Variants in FAM174A observed in about 807,000 individuals in gnomAD.
The protein encoded by FAM174A is membrane protein FAM174A.
FAM174A carries 14 observed loss-of-function variants against 14.3 expected under a neutral mutation model. The ratio of observed to expected loss-of-function variants is 0.98; its 90% CI spans 0.65 to 1.53. FAM174A has a LOEUF of 1.53. FAM174A is among the 40% of genes most tolerant of loss of function. The pLI is 0.00. For synonymous variants in FAM174A, 108 were observed against 111.4 expected (o/e 0.97, Z 0.19); for missense variants, 241 against 249.6 (o/e 0.97, Z 0.23).
At chr5:100,541,431 C>T (rs1746050222) in intron 1 of FAM174A, among the ~76,000 whole-genome samples, 1 of 151,914 alleles carries the variant, frequency 6.6e-6, no homozygotes, top group South Asian at 2.1e-4. Flanking sequence ...ACAAACTTGC[C>T]CTGTAACTGA....
At chr5:100,558,460 G>A (rs1335311706) in intron 1 of FAM174A, among the ~76,000 whole-genome samples, 1 of 152,172 alleles carries the variant, frequency 6.6e-6, no homozygotes, top group Non-Finnish European at 1.5e-5. Context: ...AGGTCCGCCT[G>A]GTGCAGAGCT....
chr5:100,580,679 C>T (rs552307330), intron 2 of FAM174A, among the ~76,000 whole-genome samples: 2 of 152,342 alleles, frequency 1.3e-5, no homozygotes, highest in South Asian at 2.1e-4. Context: ...AGCACCCTTA[C>T]AGACATACCC....
intron 2 of FAM174A, among the ~76,000 whole-genome samples, chr5:100,574,543 A>C (rs1304878529): frequency 1.3e-5 from 2 of 152,124 alleles, no homozygotes; most frequent in Admixed American, 6.6e-5. Context: ...TCATTCTTGG[A>C]GTAAATATTT....
chr5:100,575,449 T>C (rs1040676625), intron 2 of FAM174A, among the ~76,000 whole-genome samples: 6 of 152,136 alleles, frequency 3.9e-5, no homozygotes, highest in Non-Finnish European at 5.9e-5. Context: ...CCTCTTCCTG[T>C]GTCCAAGTGT....
intron 1 of FAM174A, among the ~76,000 whole-genome samples, chr5:100,537,000 T>A (rs1745954348): frequency 6.6e-6 from 1 of 152,206 alleles, no homozygotes; most frequent in Non-Finnish European, 1.5e-5. Context: ...ATACATTCTG[T>A]TACAGGCTTA....
At chr5:100,552,361 C>A (rs1213382500) in intron 1 of FAM174A, among the ~76,000 whole-genome samples, 1 of 151,820 alleles carries the variant, frequency 6.6e-6, no homozygotes, top group Non-Finnish European at 1.5e-5. Context: ...TGTCTAACCA[C>A]ATGGGGGAGT....
intron 1 of FAM174A, among the ~76,000 whole-genome samples, chr5:100,544,651 T>A (rs903895038): frequency 6.6e-6 from 1 of 152,180 alleles, no homozygotes; most frequent in East Asian, 1.9e-4. Context: ...CCTCATGATA[T>A]ATGCTTGTGC....
chr5:100,574,919 G>A (rs564632465), intron 2 of FAM174A, among the ~76,000 whole-genome samples: 1 of 152,222 alleles, frequency 6.6e-6, no homozygotes, highest in South Asian at 2.1e-4. Context: ...GACTATGTTA[G>A]GATCCAAATT....
At chr5:100,569,814 A>G (rs1325768599) in intron 2 of FAM174A, among the ~76,000 whole-genome samples, 2 of 151,856 alleles carry the variant, frequency 1.3e-5, no homozygotes, top group Non-Finnish European at 2.9e-5. Flanking sequence ...TAACAATCAT[A>G]TATACACATA....
intron 1 of FAM174A, among the ~76,000 whole-genome samples, chr5:100,539,848 TC>T (rs1181012279): frequency 1.3e-5 from 2 of 152,246 alleles, no homozygotes; most frequent in Non-Finnish European, 2.9e-5. Flanking sequence ...CCAGTGCCTT[TC>T]TGTTTAAAAC....
At chr5:100,538,539 A>T (rs1187450845) in intron 1 of FAM174A, among the ~76,000 whole-genome samples, 1 of 152,066 alleles carries the variant, frequency 6.6e-6, no homozygotes, top group Non-Finnish European at 1.5e-5. Context: ...GTATATATAT[A>T]TATGCAAGGA....
chr5:100,564,654 G>T (rs1056592933), intron 2 of FAM174A, among the ~76,000 whole-genome samples: 1 of 151,564 alleles, frequency 6.6e-6, no homozygotes, highest in Non-Finnish European at 1.5e-5. Flanking sequence ...AAGCAAAAAA[G>T]AAAAGGCTCA....
intron 1 of FAM174A, among the ~76,000 whole-genome samples, chr5:100,542,844 ATATGTGTGTG>A (rs1746087154): frequency 6.7e-6 from 1 of 149,196 alleles, no homozygotes; most frequent in Non-Finnish European, 1.5e-5. Context: ...TTATATATAT[ATATGTGTGTG>A]TGTGTGTGTG....
chr5:100,578,287 C>A (rs1019729682), intron 2 of FAM174A, among the ~76,000 whole-genome samples: 4 of 152,084 alleles, frequency 2.6e-5, no homozygotes, highest in Non-Finnish European at 5.9e-5. Flanking sequence ...CTGTTATTGA[C>A]TGAATGCCCT....
chr5:100,547,772 AG>A (rs1301346298), intron 1 of FAM174A, among the ~76,000 whole-genome samples: 1 of 152,130 alleles, frequency 6.6e-6, no homozygotes, highest in African/African-American at 2.4e-5. Context: ...CTTATCATTT[AG>A]GAGGTTTTTA....
At chr5:100,568,082 C>T (rs1416602795) in intron 2 of FAM174A, among the ~76,000 whole-genome samples, 1 of 151,974 alleles carries the variant, frequency 6.6e-6, no homozygotes, top group Non-Finnish European at 1.5e-5. Flanking sequence ...TACCAGTCAG[C>T]ATTGACATTC....
chr5:100,570,340 C>G (rs180925095), intron 2 of FAM174A, among the ~76,000 whole-genome samples: 1 of 151,964 alleles, frequency 6.6e-6, no homozygotes, highest in East Asian at 1.9e-4. Flanking sequence ...ATGGGCAGAA[C>G]TCGATCTGAT....
Position 100,586,221 on chromosome 5 carries a change from C to A in FAM174A, c.*37C>A. The A allele has an allele frequency of 1.4e-6, 2 of 1,399,852 alleles. No individual in the cohort carries two copies. Among genetic ancestry groups the A allele is most frequent in the Non-Finnish European group, 2.0e-6 (2 of 1,018,482 alleles). 86.7% of individuals were successfully genotyped at this position (1,399,852 alleles called of 1,614,324 possible). On this transcript the variant is annotated 3_prime_UTR_variant, in exon 3 of 3. Coordinates refer to ENST00000312637, the MANE Select transcript of FAM174A (RefSeq NM_198507.3). Reference sequence around the variant, plus strand: ...TTGATGAAAGAACTTTATCTTTCTACAATGAAGAGTGGAATTTCTATGTTT... The same window carrying A: ...TTGATGAAAGAACTTTATCTTTCTAAAATGAAGAGTGGAATTTCTATGTTT...
chr5:100,554,590 G>A (rs1746331347), intron 1 of FAM174A, among the ~76,000 whole-genome samples: 1 of 152,050 alleles, frequency 6.6e-6, no homozygotes, highest in African/African-American at 2.4e-5. Flanking sequence ...GATTACAGGT[G>A]TGAGTAACCA....
Sources: allele counts gnomAD v4.1 joint callset (sites outside exome capture counted in the v4.1 genomes callset), GRCh38; gene constraint gnomAD v4.1.1; transcripts MANE v1.5; gene names NCBI Gene and HGNC (gene_info 2026-07-23, HGNC 2026-07-21).